Variants in GNG7 observed in about 807,000 individuals in gnomAD.
GNG7 encodes guanine nucleotide-binding protein G(I)/G(S)/G(O) subunit gamma-7.
GNG7 carries 1 observed loss-of-function variant against 4.0 expected under a neutral mutation model. The ratio of observed to expected loss-of-function variants is 0.25; its 90% CI spans 0.09 to 1.18. GNG7 has a LOEUF of 1.18. GNG7 is among the 50% of genes most tolerant of loss of function. GNG7 has a pLI of 0.50. For synonymous variants in GNG7, 34 were observed against 36.9 expected (o/e 0.92, Z 0.29); for missense variants, 86 against 91.9 (o/e 0.94, Z 0.26).
In GNG7 at chr19:2,617,355, G is replaced by A. The variant is rs1019508793; in HGVS notation, c.-78+28869C>T. ...CACCAGCCATCCAGGCACTGAGCCC[G>A]GCCCAGCCCTGCAGCTCTGACCCTG... On this transcript the variant is annotated intron_variant, in intron 2 of 4. Transcript: ENST00000382159. This position sits in a 1 kb window ranked among gnomAD's most constrained non-coding sequence, Gnocchi z 4.7. Among the ~76,000 whole-genome samples, 15 of 152,184 alleles carry A rather than the reference G, an allele frequency of 9.9e-5. No individual in the cohort carries two copies. Among genetic ancestry groups the A allele is most frequent in the African/African-American group, 3.4e-4 (14 of 41,446 alleles).
At chr19:2,608,415 G>A (rs1400480652) in intron 2 of GNG7, among the ~76,000 whole-genome samples, 1 of 152,164 alleles carries the variant, frequency 6.6e-6, no homozygotes, top group Admixed American at 6.5e-5. Flanking sequence ...CGTCTCTGGA[G>A]GTGGGCGCCC....
chr19:2,620,770 A>G (rs1234821433), intron 2 of GNG7, among the ~76,000 whole-genome samples: 47 of 151,690 alleles, frequency 3.1e-4, no homozygotes, highest in African/African-American at 9.9e-4. Context: ...GAACCCGGGA[A>G]GTGGAGGTTG....
intron 2 of GNG7, among the ~76,000 whole-genome samples, chr19:2,608,464 A>G (rs1305291399): frequency 6.6e-6 from 1 of 151,990 alleles, no homozygotes; most frequent in African/African-American, 2.4e-5. Flanking sequence ...GCTCCCCTGC[A>G]CCCCCAAATG....
chr19:2,681,003 C>G (rs535846266), intron 1 of GNG7, among the ~76,000 whole-genome samples: 1 of 152,172 alleles, frequency 6.6e-6, no homozygotes, highest in African/African-American at 2.4e-5. Context: ...GAAGTGGTAT[C>G]TCACCATGGC....
rs117169762 is a variant in GNG7, at chr19:2,570,425, C to G, written c.-77-15237G>C. Among the ~76,000 whole-genome samples the G allele has an allele frequency of 5.6e-4, 85 of 152,326 alleles. 1 individual carries two copies. The East Asian group carries it at 6.5e-3, about 12-fold the overall frequency. On this transcript the variant is annotated intron_variant, in intron 2 of 4. Coordinates refer to ENST00000382159, the MANE Select transcript of GNG7 (RefSeq NM_052847.3). Reference sequence around the variant, plus strand: ...GCACGGGGAGACACGCAGAGCTTGACTGGGCCTCAGGTCAGGAAGGAAACT... The same window carrying G: ...GCACGGGGAGACACGCAGAGCTTGAGTGGGCCTCAGGTCAGGAAGGAAACT...
In GNG7 at chr19:2,633,501, A is replaced by ACGCG. The variant is rs1568268793; in HGVS notation, c.-78+12722_-78+12723insCGCG. ...CGCGCGCGCGCGCACACACACACAC[A>ACGCG]CACACACACACACACACACACACGA... On this transcript the variant is annotated intron_variant, in intron 2 of 4. Transcript: ENST00000382159. The surrounding 1 kb of genome is among the most constrained non-coding windows in gnomAD (Gnocchi z 5.9). Among the ~76,000 whole-genome samples the ACGCG allele has an allele frequency of 7.0e-6, 1 of 143,548 alleles. No individual in the cohort carries two copies. Among genetic ancestry groups the ACGCG allele is most frequent in the African/African-American group, 2.9e-5 (1 of 34,848 alleles). The allele number at this position is 143,548 out of a possible 152,430, so 94.2% of individuals were successfully genotyped here.
At chr19:2,597,856 A>G (rs1981071048) in intron 2 of GNG7, among the ~76,000 whole-genome samples, 1 of 149,972 alleles carries the variant, frequency 6.7e-6, no homozygotes, top group African/African-American at 2.5e-5. Flanking sequence ...AGATTGCGCC[A>G]CTGCACTCCA....
intron 1 of GNG7, among the ~76,000 whole-genome samples, chr19:2,658,724 A>C (rs1208468252): frequency 6.6e-6 from 1 of 152,060 alleles, no homozygotes; most frequent in Admixed American, 6.6e-5. Flanking sequence ...AGCCACACCA[A>C]ATGTAAACTG....
intron 2 of GNG7, among the ~76,000 whole-genome samples, chr19:2,588,898 C>T (rs1316644257): frequency 6.6e-6 from 1 of 152,198 alleles, no homozygotes; most frequent in Non-Finnish European, 1.5e-5. Context: ...TCAGCCGTCC[C>T]TTGCTGGCCC....
At chr19:2,543,801 G>A (rs1979039000) in intron 3 of GNG7, among the ~76,000 whole-genome samples, 1 of 152,198 alleles carries the variant, frequency 6.6e-6, no homozygotes, top group African/African-American at 2.4e-5. Flanking sequence ...GCCTTGTGTG[G>A]CGCGGCGTGC....
rs1403118923 is a variant in GNG7, at chr19:2,626,539, C to G, written c.-78+19685G>C. On this transcript the variant is annotated intron_variant, in intron 2 of 4. Coordinates refer to ENST00000382159, the MANE Select transcript of GNG7 (RefSeq NM_052847.3). This position sits in a 1 kb window ranked among gnomAD's most constrained non-coding sequence, Gnocchi z 5.0. ...GAACCATCTCTGCACCTGTATCCCCCACCCCACCTGTCACCTTCAGGGCAC... is the reference window on the plus strand; with the variant it reads ...GAACCATCTCTGCACCTGTATCCCCGACCCCACCTGTCACCTTCAGGGCAC... 2.0e-5 allele frequency among the ~76,000 whole-genome samples: 3 copies of G among 152,170 alleles called. No homozygotes were observed. Among genetic ancestry groups the G allele is most frequent in the Non-Finnish European group, 4.4e-5 (3 of 68,026 alleles).
rs1216722848 is a variant in GNG7 at position 2,571,743 on chromosome 19, G to A, written c.-77-16555C>T. ...TCTGAGTAGCTGGGATTATAGGCGAGTGCCACCACGCCTGGCTAATTTTTG... is the reference window on the plus strand; with the variant it reads ...TCTGAGTAGCTGGGATTATAGGCGAATGCCACCACGCCTGGCTAATTTTTG... On this transcript the variant is annotated intron_variant, in intron 2 of 4. Transcript: ENST00000382159. Among the ~76,000 whole-genome samples, 3 of 151,602 alleles carry A rather than the reference G, an allele frequency of 2.0e-5. No homozygotes were observed. In the East Asian group the frequency reaches 5.8e-4, roughly 29 times the overall value.
intron 3 of GNG7, among the ~76,000 whole-genome samples, chr19:2,531,235 CGGT>C (rs1978571974): frequency 7.4e-6 from 1 of 135,796 alleles, no homozygotes; most frequent in Non-Finnish European, 1.5e-5. Context: ...ATCCGGGAGA[CGGT>C]GGTTGCAGTG....
chr19:2,642,209 G>C (rs947990002), intron 2 of GNG7: 4 of 167,102 alleles, frequency 2.4e-5, no homozygotes, highest in Admixed American at 1.6e-4. Flanking sequence ...TCTGGGACAG[G>C]TCATGGAGAA....
chr19:2,610,630 T>C (rs55940357), intron 2 of GNG7: 131,534 of 151,644 alleles, frequency 0.87, 57,150 homozygotes, highest in Middle Eastern at 0.89. Flanking sequence ...GCATGAGCTA[T>C]CACGCCCGGC....
chr19:2,532,228 A>G (rs1209447669), intron 3 of GNG7, among the ~76,000 whole-genome samples: 4 of 152,180 alleles, frequency 2.6e-5, no homozygotes, highest in Non-Finnish European at 4.4e-5. Context: ...GGGAATTGAC[A>G]GAGACTTTAA....
chr19:2,595,967 C>A (rs1599412107), intron 2 of GNG7, among the ~76,000 whole-genome samples: 1 of 152,166 alleles, frequency 6.6e-6, no homozygotes, highest in East Asian at 1.9e-4. Context: ...ACGACCGAAT[C>A]CAGCTCTCAC....
Position 2,619,452 on chromosome 19 carries a change from T to C in GNG7, c.-78+26772A>G, listed in dbSNP as rs539887412. 6.4e-4 allele frequency among the ~76,000 whole-genome samples: 98 copies of C among 152,348 alleles called. 1 individual carries two copies. In the South Asian group the frequency reaches 0.02, roughly 31 times the overall value. The stretch of plus-strand genomic sequence containing the variant: ...CCAGGCCTCGCACATAGTAAGTTCA[T>C]AGCAAGTATTTGTTTATAGTAAGGC... On this transcript the variant is annotated intron_variant, in intron 2 of 4. Coordinates refer to ENST00000382159, the MANE Select transcript of GNG7 (RefSeq NM_052847.3).
chr19:2,552,604 C>T lies in GNG7; in HGVS notation c.-38+2545G>A, dbSNP rs536898436. On this transcript the variant is annotated intron_variant, in intron 3 of 4. Transcript: ENST00000382159. ...TTCATCTTGTTGGTCAGGCTAGTCT[C>T]GAACTCCTGACCTCAAGTGATCCAC... Among the ~76,000 whole-genome samples the T allele has an allele frequency of 2.0e-5, 3 of 151,436 alleles. No homozygotes were observed. In the South Asian group the frequency reaches 6.3e-4, roughly 32 times the overall value.
Sources: allele counts gnomAD v4.1 joint callset (sites outside exome capture counted in the v4.1 genomes callset), GRCh38; gene constraint gnomAD v4.1.1; non-coding constraint Gnocchi (gnomAD v3.1); transcripts MANE v1.5; gene names NCBI Gene and HGNC (gene_info 2026-07-23, HGNC 2026-07-21).